Variants in CDYL2 observed in about 807,000 individuals in gnomAD.
CDYL2 encodes the protein chromodomain Y like 2, also known as chromodomain Y-like protein 2.
CDYL2 carries 23 observed loss-of-function variants against 49.4 expected under a neutral mutation model. The ratio of observed to expected loss-of-function variants is 0.47; its 90% CI spans 0.34 to 0.66. CDYL2 has a LOEUF of 0.66. CDYL2 is among the 30% of genes least tolerant of loss of function. The probability of loss-of-function intolerance (pLI) is 0.01; values close to 1 mark genes in which losing one functional copy is unlikely to be tolerated. For synonymous variants in CDYL2, 360 were observed against 268.8 expected, an observed-to-expected ratio of 1.34 and a Z score of -3.32; for missense variants, 678 against 656.4, an observed-to-expected ratio of 1.03 and a Z score of -0.36.
chr16:80,625,010 G>C (rs901529102), intron 3 of CDYL2, among the ~76,000 whole-genome samples: 1 of 152,144 alleles, frequency 6.6e-6, no homozygotes, highest in African/African-American at 2.4e-5. Context: ...AGAGGAGAAA[G>C]TCAATATTGA....
chr16:80,611,997 G>T (rs1906619268), intron 5 of CDYL2, among the ~76,000 whole-genome samples: 1 of 152,220 alleles, frequency 6.6e-6, no homozygotes, highest in African/African-American at 2.4e-5. Context: ...TTTCCACATG[G>T]GGTGGAGACT....
chr16:80,761,433 C>G (rs979979161), intron 1 of CDYL2, among the ~76,000 whole-genome samples: 2 of 152,186 alleles, frequency 1.3e-5, no homozygotes, highest in Non-Finnish European at 2.9e-5. Flanking sequence ...TAGTAGAGAG[C>G]TTGACGTCTA....
intron 1 of CDYL2, among the ~76,000 whole-genome samples, chr16:80,712,013 G>T (rs367698279): frequency 7.2e-6 from 1 of 139,780 alleles, no homozygotes; most frequent in African/African-American, 2.6e-5. Flanking sequence ...GTGTATATAT[G>T]TGTGTATATA....
intron 1 of CDYL2, among the ~76,000 whole-genome samples, chr16:80,690,945 A>G (rs1175455708): frequency 1.3e-5 from 2 of 152,216 alleles, no homozygotes; most frequent in Non-Finnish European, 2.9e-5. Flanking sequence ...CAGGATTACA[A>G]TCAAAGATTT....
chr16:80,638,061 A>C lies in CDYL2; in HGVS notation c.617-4825T>G, dbSNP rs1345661595. Among the ~76,000 whole-genome samples the C allele has an allele frequency of 2.0e-5, 3 of 151,784 alleles. No individual in the cohort carries two copies. The East Asian group carries it at 5.8e-4, about 29-fold the overall frequency. On this transcript the variant is annotated intron_variant, in intron 2 of 6. Transcript: ENST00000570137. ...GTAAATGGAGAAATAATCTGTGTTA[A>C]TGAATTGAAAGACTCCATTTTTTTT...
At chr16:80,658,341 C>A (rs1430248118) in intron 2 of CDYL2, among the ~76,000 whole-genome samples, 2 of 152,100 alleles carry the variant, frequency 1.3e-5, no homozygotes, top group African/African-American at 4.8e-5. Context: ...TAAACCTAAT[C>A]GTCTTTCAAA....
chr16:80,637,280 C>A (rs1315694151), intron 2 of CDYL2, among the ~76,000 whole-genome samples: 2 of 151,976 alleles, frequency 1.3e-5, no homozygotes, highest in African/African-American at 4.8e-5. Flanking sequence ...AGAACATCTA[C>A]AAAATACCTA....
intron 2 of CDYL2, among the ~76,000 whole-genome samples, chr16:80,678,040 G>C (rs1909826277): frequency 6.6e-6 from 1 of 151,772 alleles, no homozygotes; most frequent in South Asian, 2.1e-4. Flanking sequence ...AATGGTGCTG[G>C]GAAAACTGGC....
chr16:80,769,266 G>A (rs960331350), intron 1 of CDYL2, among the ~76,000 whole-genome samples: 2 of 152,212 alleles, frequency 1.3e-5, no homozygotes, highest in African/African-American at 4.8e-5. Flanking sequence ...TTATGTGATT[G>A]AGAGGATGGC....
intron 1 of CDYL2, among the ~76,000 whole-genome samples, chr16:80,689,763 C>A (rs1046632607): frequency 1.3e-5 from 2 of 152,328 alleles, no homozygotes; most frequent in Middle Eastern, 6.8e-3. Context: ...CATCATGGCT[C>A]ACAGGCTAGT....
intron 6 of CDYL2, among the ~76,000 whole-genome samples, chr16:80,607,788 G>T (rs763287106): frequency 6.6e-6 from 1 of 152,176 alleles, no homozygotes; most frequent in East Asian, 1.9e-4. Context: ...GAAAGCTATA[G>T]ATGTTTTGCG....
At chr16:80,767,891 G>A (rs375365613) in intron 1 of CDYL2, among the ~76,000 whole-genome samples, 3 of 152,120 alleles carry the variant, frequency 2.0e-5, no homozygotes, top group African/African-American at 7.2e-5. Flanking sequence ...TCACAGTCTC[G>A]CCTCTGTCTG....
intron 1 of CDYL2, among the ~76,000 whole-genome samples, chr16:80,733,736 T>C (rs1905416035): frequency 6.6e-6 from 1 of 152,188 alleles, no homozygotes; most frequent in Non-Finnish European, 1.5e-5. Flanking sequence ...GTCAGGATGT[T>C]AGAAGAAGCT....
intron 1 of CDYL2, among the ~76,000 whole-genome samples, chr16:80,790,209 G>C (rs1907566113): frequency 6.6e-6 from 1 of 152,162 alleles, no homozygotes; most frequent in Non-Finnish European, 1.5e-5. Flanking sequence ...AATTCATTAA[G>C]TCAATAACCT....
intron 1 of CDYL2, among the ~76,000 whole-genome samples, chr16:80,710,168 C>G (rs935193513): frequency 6.6e-6 from 1 of 152,100 alleles, no homozygotes; most frequent in Non-Finnish European, 1.5e-5. Flanking sequence ...ACCTCGTGAT[C>G]CTCCCGCCTC....
intron 1 of CDYL2, among the ~76,000 whole-genome samples, chr16:80,757,547 A>T (rs909693784): frequency 1.4e-3 from 207 of 145,084 alleles, no homozygotes; most frequent in African/African-American, 5.3e-3. Context: ...TCAAAAAAAA[A>T]AAAAAAATAT....
intron 2 of CDYL2, among the ~76,000 whole-genome samples, chr16:80,641,189 A>G (rs1908069860): frequency 6.6e-6 from 1 of 152,192 alleles, no homozygotes; most frequent in Non-Finnish European, 1.5e-5. Flanking sequence ...AGGATAAAGA[A>G]AAGATTCCAA....
chr16:80,633,716 AC>A (rs146240167), intron 2 of CDYL2, among the ~76,000 whole-genome samples: 1 of 151,928 alleles, frequency 6.6e-6, no homozygotes, highest in South Asian at 2.1e-4. Flanking sequence ...GGGCTCTGGG[AC>A]CCCCCTAGGG....
intron 1 of CDYL2, among the ~76,000 whole-genome samples, chr16:80,761,064 A>T (rs527239512): frequency 3.7e-4 from 57 of 152,230 alleles, no homozygotes; most frequent in African/African-American, 1.4e-3. Context: ...AAAGCCATAC[A>T]CTCAGTCCCA....
Sources: allele counts gnomAD v4.1 joint callset (sites outside exome capture counted in the v4.1 genomes callset), GRCh38; gene constraint gnomAD v4.1.1; transcripts MANE v1.5; gene names NCBI Gene and HGNC (gene_info 2026-07-23, HGNC 2026-07-21).